LRRTM4: variants seen among roughly 807,000 people sequenced by gnomAD.
LRRTM4 encodes the protein leucine-rich repeat transmembrane neuronal protein 4.
Under a neutral mutation model 47.6 loss-of-function variants are expected in LRRTM4, and 25 were observed. The observed-to-expected ratio is 0.53, with a 90% confidence interval of 0.38 to 0.73. The LOEUF (loss-of-function observed/expected upper bound fraction) is 0.73. Ranked by LOEUF, LRRTM4 falls within the 30% of genes least tolerant of loss-of-function variation. LRRTM4 has a pLI of 0.00. For synonymous variants in LRRTM4, 311 were observed against 269.5 expected (o/e 1.15, Z -1.51); for missense variants, 638 against 713.4 (o/e 0.89, Z 1.20).
chr2:77,091,706 C>T (rs1167350992), intron 3 of LRRTM4, among the ~76,000 whole-genome samples: 2 of 149,708 alleles, frequency 1.3e-5, no homozygotes, highest in African/African-American at 4.9e-5. Context: ...ACCCATCAAG[C>T]TCAGCAAATT....
At chr2:76,781,525 G>A (rs111856099) in intron 3 of LRRTM4, among the ~76,000 whole-genome samples, 16,273 of 146,024 alleles carry the variant, frequency 0.11, 118 homozygotes, top group Middle Eastern at 0.12. Flanking sequence ...TTCCAGGTGC[G>A]GTGCATCACC....
In LRRTM4 at chr2:76,796,357, G is replaced by T. The variant is rs1454148783; in HGVS notation, c.1552-47441C>A. On this transcript the variant is annotated intron_variant, in intron 3 of 3. Transcript: ENST00000409884. ...GCCTGCCTCTGTAGGCTCCACCTCT[G>T]GGGGCAGGGCACAGACAAACAAAAA... is the stretch of plus-strand genomic sequence containing the variant. 6.3e-5 allele frequency among the ~76,000 whole-genome samples: 8 copies of T among 127,766 alleles called. No individual in the cohort carries two copies. The South Asian group carries it at 1.8e-3, about 30-fold the overall frequency. The allele number at this position is 127,766 out of a possible 152,430, so 83.8% of individuals were successfully genotyped here. A position where few individuals can be genotyped will look rare whatever the true frequency, so the allele number is the denominator to read the frequency against.
At chr2:76,828,025 A>G (rs115910951) in intron 3 of LRRTM4, among the ~76,000 whole-genome samples, 4,076 of 152,068 alleles carry the variant, frequency 0.027, 185 homozygotes, top group African/African-American at 0.079. Context: ...TGTATTGCCT[A>G]TGTTGAAAAA....
At position 77,314,189 on chromosome 2, in the gene LRRTM4, C is replaced by G. The variant is rs1256492855; in HGVS notation, c.1551+204129G>C. Among the ~76,000 whole-genome samples the G allele has an allele frequency of 2.6e-5, 4 of 152,248 alleles. No homozygotes were observed. In the East Asian group the frequency reaches 5.8e-4, roughly 22 times the overall value. On this transcript the variant is annotated intron_variant, in intron 3 of 3. Transcript: ENST00000409884. ...TTTGTTTTTCTTAAATGTTCAAATACTGAAAAAGTTGCAGTAGATGGTGTC... is the reference window on the plus strand; with the variant it reads ...TTTGTTTTTCTTAAATGTTCAAATAGTGAAAAAGTTGCAGTAGATGGTGTC...
intron 3 of LRRTM4, among the ~76,000 whole-genome samples, chr2:77,225,271 A>G (rs1348735479): frequency 1.3e-5 from 2 of 150,774 alleles, no homozygotes; most frequent in African/African-American, 4.9e-5. Context: ...CTAAATGATG[A>G]GTTAATGGGT....
chr2:77,181,662 C>A (rs558331134), intron 3 of LRRTM4, among the ~76,000 whole-genome samples: 2 of 151,962 alleles, frequency 1.3e-5, no homozygotes, highest in South Asian at 4.1e-4. Flanking sequence ...TGAATAAGAA[C>A]AGATTGATAA....
intron 3 of LRRTM4, among the ~76,000 whole-genome samples, chr2:77,330,258 G>T (rs1670921032): frequency 6.6e-6 from 1 of 152,036 alleles, no homozygotes; most frequent in Non-Finnish European, 1.5e-5. Flanking sequence ...TTTGAGAGTT[G>T]TTTTTTTACT....
intron 3 of LRRTM4, among the ~76,000 whole-genome samples, chr2:77,141,353 C>T (rs905596688): frequency 3.9e-5 from 6 of 151,926 alleles, no homozygotes; most frequent in Non-Finnish European, 5.9e-5. Flanking sequence ...CCATCATTCT[C>T]AGCAAACTAT....
intron 3 of LRRTM4, among the ~76,000 whole-genome samples, chr2:77,306,860 T>G (rs1201492205): frequency 1.3e-5 from 2 of 151,612 alleles, no homozygotes; most frequent in African/African-American, 2.4e-5. Context: ...CATTATTTCA[T>G]ATACTTTTCT....
At chr2:77,502,119 T>C (rs1467640310) in intron 3 of LRRTM4, among the ~76,000 whole-genome samples, 3 of 151,452 alleles carry the variant, frequency 2.0e-5, no homozygotes, top group African/African-American at 7.3e-5. Context: ...ATTAATATTA[T>C]TCACTAACTA....
intron 3 of LRRTM4, among the ~76,000 whole-genome samples, chr2:76,772,706 G>A (rs1291122705): frequency 6.6e-6 from 1 of 152,100 alleles, no homozygotes; most frequent in Non-Finnish European, 1.5e-5. Context: ...CCTTTCTAGG[G>A]ATTCAGTTAC....
At chr2:77,058,087 T>C (rs1679666643) in intron 3 of LRRTM4, among the ~76,000 whole-genome samples, 2 of 152,178 alleles carry the variant, frequency 1.3e-5, no homozygotes, top group South Asian at 4.1e-4. Flanking sequence ...TGGGAACATT[T>C]CATGGTAATG....
At chr2:77,044,627 C>CTATA (rs143971155) in intron 3 of LRRTM4, among the ~76,000 whole-genome samples, 3 of 150,202 alleles carry the variant, frequency 2.0e-5, no homozygotes, top group African/African-American at 4.9e-5. Context: ...TTTTTTTTGG[C>CTATA]TATATATATA....
chr2:77,455,404 C>A lies in LRRTM4; in HGVS notation c.1551+62914G>T, dbSNP rs184631188. 9.2e-5 allele frequency among the ~76,000 whole-genome samples: 14 copies of A among 151,852 alleles called. No individual in the cohort carries two copies. The East Asian group carries it at 2.7e-3, about 29-fold the overall frequency. On this transcript the variant is annotated intron_variant, in intron 3 of 3. Coordinates refer to ENST00000409884, the MANE Select transcript of LRRTM4 (RefSeq NM_001134745.3). ...TCAGTAATTTTTTCCAATATTTGACCCCTTTTTGCCAAGATAACCTAGTTG... is the reference window on the plus strand; with the variant it reads ...TCAGTAATTTTTTCCAATATTTGACACCTTTTTGCCAAGATAACCTAGTTG...
chr2:77,220,852 G>A (rs572406639), intron 3 of LRRTM4, among the ~76,000 whole-genome samples: 2 of 152,258 alleles, frequency 1.3e-5, no homozygotes, highest in African/African-American at 4.8e-5. Context: ...GAAATACAGA[G>A]AACGCCACAA....
chr2:76,894,346 C>A (rs1673343963), intron 3 of LRRTM4, among the ~76,000 whole-genome samples: 1 of 152,028 alleles, frequency 6.6e-6, no homozygotes, highest in South Asian at 2.1e-4. Flanking sequence ...ACCAGAGATG[C>A]CAGCATGCTG....
At chr2:77,005,017 T>G (rs1425965135) in intron 3 of LRRTM4, among the ~76,000 whole-genome samples, 2 of 152,166 alleles carry the variant, frequency 1.3e-5, no homozygotes, top group Non-Finnish European at 2.9e-5. Context: ...TAACTTGTAT[T>G]TGATTTTACA....
At chr2:77,105,976 A>G (rs376977936) in intron 3 of LRRTM4, among the ~76,000 whole-genome samples, 4 of 152,290 alleles carry the variant, frequency 2.6e-5, no homozygotes, top group East Asian at 1.9e-4. Context: ...CATGAAATTC[A>G]CCATCTCCAA....
intron 3 of LRRTM4, among the ~76,000 whole-genome samples, chr2:77,140,553 A>C: frequency 9.4e-6 from 1 of 106,782 alleles, no homozygotes. Context: ...ACCATTCAGG[A>C]CATAGGCATG....
Sources: gnomAD v4.1 joint callset for allele counts (sites outside exome capture counted in the v4.1 genomes callset) on GRCh38, gnomAD v4.1.1 for gene constraint, MANE v1.5 for transcripts, NCBI Gene and HGNC (gene_info 2026-07-23, HGNC 2026-07-21) for gene names.